The following SORCS2 variants were observed in gnomAD, a reference collection of about 807,000 sequenced individuals.
SORCS2 encodes the protein VPS10 domain-containing receptor SorCS2.
In SORCS2, 100 loss-of-function variants were observed where a neutral mutation model predicts 141.6. That is an observed-to-expected ratio of 0.71 (90% confidence interval 0.60 to 0.83). SORCS2 has a LOEUF of 0.83. SORCS2 is among the 40% of genes least tolerant of loss of function. SORCS2 has a pLI of 0.00. For synonymous variants in SORCS2, 789 were observed against 676.9 expected (o/e 1.17, Z -2.57); for missense variants, 1,646 against 1,560.2 (o/e 1.05, Z -0.93).
In SORCS2 at chr4:7,724,012, G is replaced by C. The variant is rs545104180; in HGVS notation, c.2611+129G>C. On this transcript the variant is annotated intron_variant, in intron 19 of 26. Transcript: ENST00000507866. ...GGTACTCAGGACGGTGAACCCGAGG[G>C]CAGGGAGGCAGGGAGGCTGGGCTCA... 1.7e-5 allele frequency: 18 copies of C among 1,054,014 alleles called. No homozygotes were observed. In the East Asian group the frequency reaches 4.7e-4, roughly 28 times the overall value. The allele number at this position is 1,054,014 out of a possible 1,614,324, so 65.3% of individuals were successfully genotyped here.
At chr4:7,418,707 C>CA (rs1299133017) in intron 2 of SORCS2, among the ~76,000 whole-genome samples, 1 of 114,608 alleles carries the variant, frequency 8.7e-6, no homozygotes, top group Non-Finnish European at 2.0e-5. Flanking sequence ...AAATGACCCC[C>CA]CCCCCCACCA....
At chr4:7,540,949 C>T (rs1009852672) in intron 3 of SORCS2, among the ~76,000 whole-genome samples, 13 of 152,224 alleles carry the variant, frequency 8.5e-5, no homozygotes, top group African/African-American at 3.1e-4. Flanking sequence ...CGAGGCTGCC[C>T]TCAGGTCAGA....
intron 2 of SORCS2, among the ~76,000 whole-genome samples, chr4:7,405,053 G>A (rs13102427): frequency 0.15 from 23,184 of 151,948 alleles, 1,904 homozygotes; most frequent in Non-Finnish European, 0.18. Flanking sequence ...ATAGGGGTCC[G>A]TTTTCATTCT....
At chr4:7,349,084 T>C (rs1720796701) in intron 1 of SORCS2, among the ~76,000 whole-genome samples, 1 of 152,168 alleles carries the variant, frequency 6.6e-6, no homozygotes, top group African/African-American at 2.4e-5. Flanking sequence ...CACACCTACC[T>C]CTTATGCCAG....
rs566158519 is a variant in SORCS2 at position 7,299,756 on chromosome 4, G to C, written c.481-96532G>C. On this transcript the variant is annotated intron_variant, in intron 1 of 26. Coordinates refer to ENST00000507866, the MANE Select transcript of SORCS2 (RefSeq NM_020777.3). ...TTCCCATCCCATTTTCCTGGGGCCC[G>C]CTGCCTGCGGGGCGTTTCTGCTTCC... Among the ~76,000 whole-genome samples, 9 of 152,280 alleles carry C rather than the reference G, an allele frequency of 5.9e-5. No homozygotes were observed. The East Asian group carries it at 1.7e-3, about 29-fold the overall frequency.
intron 4 of SORCS2, among the ~76,000 whole-genome samples, chr4:7,653,560 A>G (rs1721568227): frequency 6.6e-6 from 1 of 152,186 alleles, no homozygotes; most frequent in Admixed American, 6.5e-5. Context: ...CACAATTATT[A>G]AGAAGTTCAA....
At position 7,237,809 on chromosome 4, in the gene SORCS2, T is replaced by G. The variant is rs578030991; in HGVS notation, c.480+44683T>G. 1.6e-3 allele frequency among the ~76,000 whole-genome samples: 248 copies of G among 151,500 alleles called. 2 individuals are homozygous for G. Among genetic ancestry groups the G allele is most frequent in the African/African-American group, 5.9e-3 (245 of 41,274 alleles). On this transcript the variant is annotated intron_variant, in intron 1 of 26. Transcript: ENST00000507866. ...AGAACGATGGGCCCAAGGAGGGGAG[T>G]TTCGTTTTCTCCTTCTGCTTGACAT...
At chr4:7,269,809 G>A (rs1714996161) in intron 1 of SORCS2, among the ~76,000 whole-genome samples, 1 of 152,208 alleles carries the variant, frequency 6.6e-6, no homozygotes, top group Admixed American at 6.5e-5. Context: ...ATAAATTTTT[G>A]TTGCTGTGAG....
intron 2 of SORCS2, among the ~76,000 whole-genome samples, chr4:7,470,324 T>A (rs1379743556): frequency 6.6e-6 from 1 of 151,482 alleles, no homozygotes; most frequent in Non-Finnish European, 1.5e-5. Flanking sequence ...CACCTTCCCA[T>A]CCACCCACAC....
intron 2 of SORCS2, chr4:7,432,136 C>G (rs61318481): frequency 0.15 from 22,937 of 152,334 alleles, 1,785 homozygotes; most frequent in Non-Finnish European, 0.18. Flanking sequence ...GGAAACCCCC[C>G]CCGGAGGCTT....
At chr4:7,426,341 A>G (rs1258458356) in intron 2 of SORCS2, among the ~76,000 whole-genome samples, 2 of 150,048 alleles carry the variant, frequency 1.3e-5, no homozygotes, top group Admixed American at 6.6e-5. Context: ...TTTGCAGGTC[A>G]GGGAGACAGT....
chr4:7,732,470 A>T (rs1287600106), intron 23 of SORCS2, among the ~76,000 whole-genome samples: 7 of 152,114 alleles, frequency 4.6e-5, no homozygotes, highest in Admixed American at 2.6e-4. Context: ...CTGGAGGAGG[A>T]TGCCCGTGGC....
At chr4:7,209,936 G>A (rs773221918) in intron 1 of SORCS2, among the ~76,000 whole-genome samples, 36 of 152,240 alleles carry the variant, frequency 2.4e-4, no homozygotes, top group Non-Finnish European at 5.0e-4. Flanking sequence ...GCCGGGGGAA[G>A]GGGTGAAGTC....
chr4:7,270,006 A>G (rs548563947), intron 1 of SORCS2, among the ~76,000 whole-genome samples: 1 of 152,166 alleles, frequency 6.6e-6, no homozygotes, highest in Admixed American at 6.5e-5. Context: ...CAGCCTCCCA[A>G]GTAGCTGAGA....
intron 10 of SORCS2, among the ~76,000 whole-genome samples, chr4:7,688,853 G>A (rs1437034682): frequency 6.6e-6 from 1 of 152,216 alleles, no homozygotes; most frequent in South Asian, 2.1e-4. Flanking sequence ...GGCTGCCAGA[G>A]AGAGATCAGG....
At chr4:7,685,308 G>A (rs1331787157) in intron 10 of SORCS2, among the ~76,000 whole-genome samples, 1 of 152,106 alleles carries the variant, frequency 6.6e-6, no homozygotes, top group Non-Finnish European at 1.5e-5. Flanking sequence ...AGGCATGTGG[G>A]AACCCGACTG....
At chr4:7,467,258 C>T (rs963241556) in intron 2 of SORCS2, among the ~76,000 whole-genome samples, 15 of 152,212 alleles carry the variant, frequency 9.9e-5, no homozygotes, top group African/African-American at 2.4e-4. Context: ...ACAGCCCCCA[C>T]GCTGCTGCCT....
At chr4:7,304,468 G>A (rs1375526921) in intron 1 of SORCS2, among the ~76,000 whole-genome samples, 3 of 152,168 alleles carry the variant, frequency 2.0e-5, no homozygotes, top group Non-Finnish European at 4.4e-5. Flanking sequence ...CGGGTGGGTC[G>A]GCGGCCCTCC....
At chr4:7,654,587 G>C (rs116285583) in intron 5 of SORCS2, among the ~76,000 whole-genome samples, 1 of 152,122 alleles carries the variant, frequency 6.6e-6, no homozygotes, top group African/African-American at 2.4e-5. Context: ...CGCAGCACCC[G>C]GCCCACCACT....
Sources: gnomAD v4.1 joint callset for allele counts (sites outside exome capture counted in the v4.1 genomes callset) on GRCh38, gnomAD v4.1.1 for gene constraint, MANE v1.5 for transcripts, NCBI Gene and HGNC (gene_info 2026-07-23, HGNC 2026-07-21) for gene names.